CEP170B: variants seen among roughly 807,000 people sequenced by gnomAD.
CEP170B encodes the protein centrosomal protein of 170 kDa protein B.
Under a neutral mutation model 120.6 loss-of-function variants are expected in CEP170B, and 55 were observed. The observed-to-expected ratio is 0.46, with a 90% CI of 0.37 to 0.57. CEP170B has a LOEUF of 0.57. CEP170B is among the 20% of genes least tolerant of loss of function. CEP170B has a pLI of 0.00. For missense variants in CEP170B, 2,212 were observed against 2,253.3 expected (o/e 0.98, Z 0.37); for synonymous variants, 1,033 against 954.5 (o/e 1.08, Z -1.52).
At chr14:104,866,486 G>A (rs1326060174) in intron 1 of CEP170B, among the ~76,000 whole-genome samples, 1 of 152,208 alleles carries the variant, frequency 6.6e-6, no homozygotes, top group Non-Finnish European at 1.5e-5. Flanking sequence ...CAGGGTCATC[G>A]AAGTGCCAGC....
chr14:104,884,534 G>C lies in CEP170B; in HGVS notation c.1755G>C (p.Arg585=). 1 of 1,559,364 alleles carries C rather than the reference G, an allele frequency of 6.4e-7. No homozygotes were observed. Among genetic ancestry groups the C allele is most frequent in the Non-Finnish European group, 8.7e-7 (1 of 1,151,674 alleles). ...AGGACACGGAGGTGGAGGAGGCCCG[G>C]AAGATGATCGACCAGGTGCAGCCCA... ...EAQDTEVEEA[R]KMIDQVFGVL... The change falls in exon 9 of 19, where the codon CGG becomes CGC. Residue 585 remains arginine, a synonymous_variant. Coordinates refer to ENST00000414716, the MANE Select transcript of CEP170B (RefSeq NM_001112726.3).
rs182481426 is a variant in CEP170B at position 104,882,038 on chromosome 14, A to C, written c.473-690A>C. 1.4e-3 allele frequency among the ~76,000 whole-genome samples: 211 copies of C among 152,236 alleles called. 1 individual carries two copies. Among genetic ancestry groups the C allele is most frequent in the African/African-American group, 5.0e-3 (206 of 41,534 alleles). On this transcript the variant is annotated intron_variant, in intron 6 of 18. Coordinates refer to ENST00000414716, the MANE Select transcript of CEP170B (RefSeq NM_001112726.3). The stretch of plus-strand genomic sequence containing the variant: ...AAGAGCTTGGGTGGAGGGCCCAGGA[A>C]GGAGACTGTGGGCATGAGGGCCAGC...
chr14:104,882,926 G>T (rs1310376683), intron 7 of CEP170B, 94 bp downstream of exon 7: 1 of 1,460,284 alleles, frequency 6.8e-7, no homozygotes, highest in South Asian at 1.3e-5. Context: ...CACTCCGGGG[G>T]ACATGGGGCC....
rs772486458 is a variant in CEP170B at position 104,884,390 on chromosome 14, C to T, written c.1611C>T (p.Pro537=). Residue 537 remains proline, a synonymous_variant, in exon 9 of 19, where the codon CCC becomes CCT. Coordinates refer to ENST00000414716, the MANE Select transcript of CEP170B (RefSeq NM_001112726.3). ...PAPLTPHGTS[P]VGPPTPPPAP... ...CCCTGACACCCCATGGGACCAGCCCCGTGGGCCCCCCGACCCCACCGCCCG... is the reference window on the plus strand; with the variant it reads ...CCCTGACACCCCATGGGACCAGCCCTGTGGGCCCCCCGACCCCACCGCCCG... 8.9e-5 allele frequency: 137 copies of T among 1,547,328 alleles called. No homozygotes were observed. The highest frequency in any genetic ancestry group is 1.9e-4 in the Middle Eastern group (1 of 5,138).
rs1277533592 is a variant in CEP170B at position 104,866,587 on chromosome 14, C to T, written c.-28+1074C>T. Among the ~76,000 whole-genome samples, 3 of 152,354 alleles carry T rather than the reference C, an allele frequency of 2.0e-5. No individual in the cohort carries two copies. In the East Asian group the frequency reaches 5.8e-4, roughly 29 times the overall value. On this transcript the variant is annotated intron_variant, in intron 1 of 18. Transcript: ENST00000414716. ...CCCAGAGTGAGAGGGTCCTGGCTGC[C>T]TGGAGCTGCCTTCTCCTGGTGAGGA...
intron 8 of CEP170B, 119 bp downstream of exon 8, chr14:104,883,627 C>A (rs769755576): frequency 1.2e-5 from 14 of 1,192,070 alleles, no homozygotes; most frequent in Middle Eastern, 3.0e-4. Context: ...TCCCATTTTT[C>A]AGTTAATTGC....
At position 104,886,353 on chromosome 14, in the gene CEP170B, C is replaced by T. The variant is rs1164286736; in HGVS notation, c.2114C>T (p.Pro705Leu). ...ATGCGGCGACGGCTCCCTCAGCTGC[C>T]CAGTGAGAGGGCTGACAGCCCTGCG... Reference protein sequence around the residue: ...VRMRRRLPQLPSERADSPAGP... With the variant: ...VRMRRRLPQLLSERADSPAGP... Residue 705 changes from proline to leucine, a missense_variant, in exon 12 of 19, where the codon CCC (proline) becomes CTC (leucine). Pro to Leu is a moderately conservative substitution (Grantham distance 98). Around this residue, in one of 2 missense-constraint regions of CEP170B, gnomAD observed 2,166 missense variants for 2,166.7 expected, o/e 1.00. Transcript: ENST00000414716. 6.4e-7 allele frequency: 1 copy of T among 1,573,506 alleles called. No individual in the cohort carries two copies. Among genetic ancestry groups the T allele is most frequent in the Non-Finnish European group, 8.6e-7 (1 of 1,162,092 alleles).
rs1489060273 is a variant in CEP170B at position 104,883,864 on chromosome 14, C to T, written c.1085C>T (p.Ser362Leu). 1.3e-6 allele frequency: 2 copies of T among 1,572,078 alleles called. No individual in the cohort carries two copies. The highest frequency in any genetic ancestry group is 1.9e-5 in the Admixed American group (1 of 53,322). Reference sequence around the variant, plus strand: ...CACGAGGACGGCACGCAGAGTGACTCAGAGGACCCCCTGGCCAAGGCGGCC... The same window carrying T: ...CACGAGGACGGCACGCAGAGTGACTTAGAGGACCCCCTGGCCAAGGCGGCC... ...HKHEDGTQSD[S>L]EDPLAKAASA... Residue 362 changes from serine (S) to leucine (L), a missense_variant, in exon 9 of 19, where the codon TCA becomes TTA. Coordinates refer to ENST00000414716, the MANE Select transcript of CEP170B (RefSeq NM_001112726.3).
rs772455836 is a variant in CEP170B, at chr14:104,887,186, AAGG to A, written c.2950_2952del (p.Glu984del). 5 of 1,606,948 alleles carry A rather than the reference AAGG, an allele frequency of 3.1e-6. No individual in the cohort carries two copies. In the Admixed American group the frequency reaches 5.0e-5, roughly 16 times the overall value. ...AACCCCCCAGCCTCTGCGGGCACAG[AAGG>A]AGATGTCGCCATCCCCGCCAGCTGC... On this transcript the variant is annotated inframe_deletion, in exon 12 of 19. Transcript: ENST00000414716.
Position 104,884,000 on chromosome 14 carries a change from G to A in CEP170B, c.1221G>A (p.Glu407=). The A allele has an allele frequency of 6.2e-7, 1 of 1,610,962 alleles. No individual in the cohort carries two copies. The highest frequency in any genetic ancestry group is 2.2e-5 in the East Asian group (1 of 44,848). ...ATAACCAGCAGGCCTTTGTCATCGA[G>A]TTCTTCGACGAGGACACACCCCGAA... ...LLHNQQAFVI[E]FFDEDTPRKK... is the part of the protein sequence containing the mutation. The change falls in exon 9 of 19, where the codon GAG becomes GAA. Residue 407 remains glutamate (E), a synonymous_variant. Coordinates refer to ENST00000414716, the MANE Select transcript of CEP170B (RefSeq NM_001112726.3).
In CEP170B at chr14:104,888,111, T is replaced by C. The variant is rs1595352588; in HGVS notation, c.3739+133T>C. 1.5e-5 allele frequency: 15 copies of C among 1,025,114 alleles called. No homozygotes were observed. In the East Asian group the frequency reaches 4.0e-4, roughly 27 times the overall value. The allele number at this position is 1,025,114 out of a possible 1,614,324, so 63.5% of individuals were successfully genotyped here. ...CGAGAGGAGCCTCTGTTCCCAAAGC[T>C]GGGGTAGATGTGTTGCTGGACTCAC... On this transcript the variant is annotated intron_variant, in intron 12 of 18. Transcript: ENST00000414716.
rs1019027804 is a variant in CEP170B at position 104,883,486 on chromosome 14, T to A, written c.1029T>A (p.Pro343=). Residue 343 remains proline, a synonymous_variant, in exon 8 of 19, where the codon CCT becomes CCA. Transcript: ENST00000414716. ...DDRHSTKSDL[P]VHTRTLKGHK... ...GCCACAGCACCAAGAGCGACCTGCC[T>A]GTCCACACCCGCACCCTGAAGGGTG... 16 of 1,551,358 alleles carry A rather than the reference T, an allele frequency of 1.0e-5. No homozygotes were observed. Among genetic ancestry groups the A allele is most frequent in the African/African-American group, 1.4e-5 (1 of 73,094 alleles).
rs764643711 is a variant in CEP170B, at chr14:104,870,224, C to T, written c.105+1669C>T. 3.5e-4 allele frequency among the ~76,000 whole-genome samples: 54 copies of T among 152,310 alleles called. No individual in the cohort carries two copies. The highest frequency in any genetic ancestry group is 5.9e-4 in the Non-Finnish European group (40 of 68,026). ...CGAGCGTGGGCGACCGAGGTGGGCG[C>T]GGCAGCACCTGCACTTCATTTATGG... On this transcript the variant is annotated intron_variant, in intron 2 of 18. Coordinates refer to ENST00000414716, the MANE Select transcript of CEP170B (RefSeq NM_001112726.3). The surrounding 1 kb of genome is among the most constrained non-coding windows in gnomAD (Gnocchi z 4.1).
intron 2 of CEP170B, among the ~76,000 whole-genome samples, chr14:104,875,809 C>T (rs913915238): frequency 2.0e-5 from 3 of 152,120 alleles, no homozygotes; most frequent in Non-Finnish European, 4.4e-5. Context: ...CAGAAAGGGT[C>T]GGCAGCACTT....
At chr14:104,881,834 A>G (rs1896172525) in intron 6 of CEP170B, among the ~76,000 whole-genome samples, 1 of 152,142 alleles carries the variant, frequency 6.6e-6, no homozygotes, top group Non-Finnish European at 1.5e-5. Flanking sequence ...TGTGTGACAC[A>G]TCTCAGGGGC....
In CEP170B at chr14:104,867,584, C is replaced by T. The variant is rs1184237274; in HGVS notation, c.-27-840C>T. On this transcript the variant is annotated intron_variant, in intron 1 of 18. Coordinates refer to ENST00000414716, the MANE Select transcript of CEP170B (RefSeq NM_001112726.3). The surrounding 1 kb of genome is among the most constrained non-coding windows in gnomAD (Gnocchi z 5.4). ...TGGCATGCTCCGGGCTTGCAGGGTG[C>T]ATGCTGGCTGGGTATAGGGCTGCCC... 6.6e-6 allele frequency among the ~76,000 whole-genome samples: 1 copy of T among 152,138 alleles called. No individual in the cohort carries two copies. The highest frequency in any genetic ancestry group is 1.5e-5 in the Non-Finnish European group (1 of 68,030).
At chr14:104,892,353 G>A (rs926454376) in intron 13 of CEP170B, among the ~76,000 whole-genome samples, 1 of 152,132 alleles carries the variant, frequency 6.6e-6, no homozygotes, top group Non-Finnish European at 1.5e-5. Flanking sequence ...CACATCCTAG[G>A]GGGACTGAGC....
In CEP170B at chr14:104,893,509, C is replaced by T. The variant is rs768703063; in HGVS notation, c.4039-14C>T. On this transcript the variant is annotated splice_polypyrimidine_tract_variant and intron_variant, in intron 14 of 18. Coordinates refer to ENST00000414716, the MANE Select transcript of CEP170B (RefSeq NM_001112726.3). Reference sequence around the variant, plus strand: ...TCTGCCTGGGGCCCACGGTGCCGGCCCTCCCTCTTGCAGCTGGTGCAGCGC... The same window carrying T: ...TCTGCCTGGGGCCCACGGTGCCGGCTCTCCCTCTTGCAGCTGGTGCAGCGC... 4 of 1,598,742 alleles carry T rather than the reference C, an allele frequency of 2.5e-6. No individual in the cohort carries two copies. The highest frequency in any genetic ancestry group is 3.4e-6 in the Non-Finnish European group (4 of 1,174,530).
intron 2 of CEP170B, 109 bp from the exon 3 acceptor site, chr14:104,876,147 G>A: frequency 1.0e-6 from 1 of 996,256 alleles, no homozygotes; most frequent in Non-Finnish European, 1.5e-6. Flanking sequence ...AGGCCTGGGG[G>A]CCACTGCTGG....
Sources: gnomAD v4.1 joint callset for allele counts (sites outside exome capture counted in the v4.1 genomes callset) on GRCh38, gnomAD v4.1.1 for gene constraint, gnomAD v4.1.1 regional missense constraint, Gnocchi (gnomAD v3.1) non-coding constraint, MANE v1.5 for transcripts, NCBI Gene and HGNC (gene_info 2026-07-23, HGNC 2026-07-21) for gene names.